The following H1-8 variants were observed in gnomAD, a reference collection of about 807,000 sequenced individuals.
H1-8 encodes H1.8 linker histone.
Under a neutral mutation model 19.5 loss-of-function variants are expected in H1-8, and 13 were observed. The observed-to-expected ratio is 0.67, with a 90% CI of 0.43 to 1.06. H1-8 has a LOEUF of 1.06. H1-8 is among the 50% of genes least tolerant of loss of function. The pLI is 0.00. For missense variants in H1-8, 432 were observed against 459.8 expected (o/e 0.94, Z 0.55); for synonymous variants, 193 against 187.6 (o/e 1.03, Z -0.24).
intron 1 of H1-8, among the ~76,000 whole-genome samples, chr3:129,546,701 T>C (rs1379641941): frequency 6.6e-6 from 1 of 152,210 alleles, no homozygotes; most frequent in Non-Finnish European, 1.5e-5. Flanking sequence ...AGAGGTTTCC[T>C]AAGGACCTTT....
At chr3:129,549,393 T>A (rs761469115) in intron 3 of H1-8, 29 bp downstream of exon 3, 1 of 1,220,352 alleles carries the variant, frequency 8.2e-7, no homozygotes, top group Non-Finnish European at 1.0e-6. Flanking sequence ...GGGGGTGGTG[T>A]GGGGATGGGG....
At chr3:129,547,001 C>T (rs1051571999) in intron 1 of H1-8, among the ~76,000 whole-genome samples, 4 of 152,162 alleles carry the variant, frequency 2.6e-5, no homozygotes, top group African/African-American at 9.7e-5. Context: ...AGTTCAAGAC[C>T]AGCCTGGCCA....
chr3:129,551,213 G>A lies in H1-8; in HGVS notation c.914G>A (p.Gly305Asp), dbSNP rs142209208. Residue 305 changes from glycine (G) to aspartate (D), a missense_variant, in exon 5 of 5, where the codon GGC becomes GAC. Physicochemically the swap from Gly to Asp is moderately conservative, Grantham distance 94. Coordinates refer to ENST00000324382, the MANE Select transcript of H1-8 (RefSeq NM_153833.3). ...ACCAAGGCTGCTGCTCCTGCTAAGG[G>A]CAGTGGGTCCAAGGTGGTACCTGCA... is the stretch of plus-strand genomic sequence containing the variant. ...PNTKAAAPAK[G>D]SGSKVVPAHL... The A allele has an allele frequency of 2.8e-5, 46 of 1,614,134 alleles. No individual in the cohort carries two copies. Among genetic ancestry groups the A allele is most frequent in the African/African-American group, 5.3e-5 (4 of 74,960 alleles).
At chr3:129,547,894 A>G (rs761085398) in intron 2 of H1-8, among the ~76,000 whole-genome samples, 7 of 152,218 alleles carry the variant, frequency 4.6e-5, no homozygotes, top group Non-Finnish European at 8.8e-5. Flanking sequence ...TGTCCAGGAC[A>G]GGTGAACTGT....
intron 3 of H1-8, among the ~76,000 whole-genome samples, chr3:129,549,878 C>T (rs1252197922): frequency 6.6e-6 from 1 of 151,780 alleles, no homozygotes; most frequent in African/African-American, 2.4e-5. Context: ...CACTTGAACC[C>T]AGGAGGCAGA....
intron 2 of H1-8, 110 bp downstream of exon 2, chr3:129,547,790 G>A: frequency 9.7e-7 from 1 of 1,032,002 alleles, no homozygotes; most frequent in Non-Finnish European, 1.4e-6. Flanking sequence ...CCCTGTCCTT[G>A]TTCCTCCTGT....
At chr3:129,548,956 G>A in intron 2 of H1-8, 45 bp from the exon 3 acceptor site, 1 of 1,544,506 alleles carries the variant, frequency 6.5e-7, no homozygotes, top group Non-Finnish European at 8.7e-7. Context: ...GGGGCGTGAG[G>A]CACCTGAGGC....
chr3:129,549,603 A>G (rs1028478004), intron 3 of H1-8, among the ~76,000 whole-genome samples: 1 of 143,752 alleles, frequency 7.0e-6, no homozygotes, highest in Non-Finnish European at 1.5e-5. Flanking sequence ...GAGGCAGTGG[A>G]GGAAGGTGTC....
intron 4 of H1-8, 94 bp from the exon 5 acceptor site, chr3:129,551,013 C>T: frequency 1.7e-6 from 2 of 1,177,104 alleles, no homozygotes; most frequent in Non-Finnish European, 2.4e-6. Flanking sequence ...GAGACTAAGG[C>T]TTAGAAGGGC....
At chr3:129,551,036 C>T (rs1289322502) in intron 4 of H1-8, 71 bp from the exon 5 acceptor site, 2 of 1,394,548 alleles carry the variant, frequency 1.4e-6, no homozygotes, top group African/African-American at 2.9e-5. Context: ...TGTTGTGTAC[C>T]CAGAGCCACC....
At chr3:129,548,293 C>G in intron 2 of H1-8, 2 of 982,358 alleles carry the variant, frequency 2.0e-6, no homozygotes, top group African/African-American at 1.7e-5. Context: ...CATTCTCAGC[C>G]TACCCCAAGC....
intron 2 of H1-8, chr3:129,548,576 T>C: frequency 1.2e-6 from 1 of 841,534 alleles, no homozygotes; most frequent in Non-Finnish European, 1.4e-6. Context: ...ACAGCCTTGG[T>C]GATTGTCCTG....
chr3:129,544,613 G>C (rs78919288), intron 1 of H1-8, among the ~76,000 whole-genome samples: 4,000 of 152,042 alleles, frequency 0.026, 167 homozygotes, highest in African/African-American at 0.091. Context: ...TATACAGCAG[G>C]CATGGAATAG....
At chr3:129,548,955 G>C (rs1490030946) in intron 2 of H1-8, 46 bp from the exon 3 acceptor site, 1 of 1,543,210 alleles carries the variant, frequency 6.5e-7, no homozygotes, top group African/African-American at 1.4e-5. Flanking sequence ...GGGGGCGTGA[G>C]GCACCTGAGG....
At position 129,549,364 on chromosome 3, in the gene H1-8, G is replaced by A; in HGVS notation, c.742G>A (p.Gly248Arg). 1.3e-6 allele frequency: 2 copies of A among 1,582,702 alleles called. No individual in the cohort carries two copies. The highest frequency in any genetic ancestry group is 8.6e-7 in the Non-Finnish European group (1 of 1,166,858). ...GGCCAAAGGCAGCAGGAGCAGCCAAGGTAGTTGTGTGACTTGTAGGGGGTG... is the reference window on the plus strand; with the variant it reads ...GGCCAAAGGCAGCAGGAGCAGCCAAAGTAGTTGTGTGACTTGTAGGGGGTG... ...AKAKGSRSSQ[G>R]DAEAYRKTKA... The change falls in exon 3 of 5, where the codon GGA (glycine) becomes AGA (arginine). Residue 248 changes from glycine to arginine, a missense_variant and splice_region_variant. Coordinates refer to ENST00000324382, the MANE Select transcript of H1-8 (RefSeq NM_153833.3).
intron 3 of H1-8, 31 bp downstream of exon 3, chr3:129,549,395 G>A (rs1415297928): frequency 6.5e-7 from 1 of 1,538,824 alleles, no homozygotes; most frequent in South Asian, 1.3e-5. Flanking sequence ...GGGTGGTGTG[G>A]GGATGGGGGT....
In H1-8 at chr3:129,551,101, G is replaced by C. The variant is rs76820756; in HGVS notation, c.808-6G>C. The C allele has an allele frequency of 6.2e-7, 1 of 1,609,930 alleles. No homozygotes were observed. The highest frequency in any genetic ancestry group is 8.5e-7 in the Non-Finnish European group (1 of 1,178,216). ...GTCTCTTTGCTCCTGGTTTGCTTTC[G>C]TATAGGTCAAGAATGGTGCTGCTTC... On this transcript the variant is annotated splice_region_variant and splice_polypyrimidine_tract_variant and intron_variant, in intron 4 of 4. Transcript: ENST00000324382.
In H1-8 at chr3:129,543,243, G is replaced by A. The variant is rs1197433314; in HGVS notation, c.25G>A (p.Asp9Asn). 5.0e-6 allele frequency: 8 copies of A among 1,613,518 alleles called. No individual in the cohort carries two copies. Among genetic ancestry groups the A allele is most frequent in the Admixed American group, 3.3e-5 (2 of 59,982 alleles). MAPGSVTS[D>N]ISPSSTSTAG... ...CATGGCTCCTGGGAGCGTCACCAGC[G>A]ACATCTCACCCTCCTCGACTTCCAC... The change falls in exon 1 of 5, where the codon GAC (aspartate) becomes AAC (asparagine). Residue 9 changes from aspartate (D) to asparagine (N), a missense_variant. Asp to Asn is a conservative substitution (Grantham distance 23, BLOSUM62 1). Transcript: ENST00000324382.
chr3:129,548,867 C>T, intron 2 of H1-8, 134 bp from the exon 3 acceptor site: 1 of 1,227,084 alleles, frequency 8.1e-7, no homozygotes. Context: ...TGGCTTCGTG[C>T]CTTCTCCCTG....
Sources: allele counts gnomAD v4.1 joint callset (sites outside exome capture counted in the v4.1 genomes callset), GRCh38; gene constraint gnomAD v4.1.1; transcripts MANE v1.5; gene names NCBI Gene and HGNC (gene_info 2026-07-23, HGNC 2026-07-21).